SPEG: variants seen among roughly 807,000 people sequenced by gnomAD.
SPEG encodes striated muscle preferentially expressed protein kinase.
Under a neutral mutation model 300.4 loss-of-function variants are expected in SPEG, and 114 were observed. The observed-to-expected ratio is 0.38, with a 90% CI of 0.33 to 0.44. SPEG has a LOEUF of 0.44. Ranked by LOEUF, SPEG falls within the 20% of genes least tolerant of loss-of-function variation. The probability of loss-of-function intolerance (pLI) is 1.00; values close to 1 mark genes in which losing one functional copy is unlikely to be tolerated. For missense variants in SPEG, 4,201 were observed against 4,586.2 expected (o/e 0.92, Z 2.43); for synonymous variants, 1,964 against 2,018.9 (o/e 0.97, Z 0.73).
In SPEG at chr2:219,443,298, A is replaced by G; in HGVS notation, c.389-1355A>G. ...CCCACACTTATCTACCACCCACCCG[A>G]CCAGGCCCCCTGTGCCCTACAGCTG... On this transcript the variant is annotated intron_variant, in intron 1 of 40. Transcript: ENST00000312358. This position sits in a 1 kb window ranked among gnomAD's most constrained non-coding sequence, Gnocchi z 4.6. The G allele has an allele frequency of 1.2e-6, 1 of 850,668 alleles. No homozygotes were observed. Among genetic ancestry groups the G allele is most frequent in the Non-Finnish European group, 2.0e-6 (1 of 492,448 alleles). The allele number at this position is 850,668 out of a possible 1,614,324, so 52.7% of individuals were successfully genotyped here.
chr2:219,483,858 C>A lies in SPEG; in HGVS notation c.6395C>A (p.Ser2132Tyr). Residue 2132 changes from serine (S) to tyrosine (Y), a missense_variant, in exon 30 of 41, where the codon TCC becomes TAC. Physicochemically the swap from Ser to Tyr is moderately radical, Grantham distance 144. Transcript: ENST00000312358. ...GGCCTGCAAAAGAGCAGCAGCTTCT[C>A]CCAGGGTGAGGCGGAGCCCCGGGGC... ...NRGLQKSSSF[S>Y]QGEAEPRGRH... is the part of the protein sequence containing the mutation. 1.3e-6 allele frequency: 2 copies of A among 1,594,340 alleles called. No individual in the cohort carries two copies. Among genetic ancestry groups the A allele is most frequent in the Non-Finnish European group, 1.7e-6 (2 of 1,175,860 alleles).
At chr2:219,490,388 G>A (rs780524161) in intron 36 of SPEG, 21 bp from the exon 37 acceptor site, 2 of 1,602,136 alleles carry the variant, frequency 1.2e-6, no homozygotes, top group South Asian at 2.2e-5. Context: ...AGCCGGTGGT[G>A]TCCCTCCCCC....
chr2:219,450,111 CT>C (rs1482744594), intron 4 of SPEG, among the ~76,000 whole-genome samples: 1 of 152,186 alleles, frequency 6.6e-6, no homozygotes, highest in African/African-American at 2.4e-5. Flanking sequence ...CTGTATTTTT[CT>C]TCATCAAAAT....
At position 219,483,912 on chromosome 2, in the gene SPEG, A is replaced by T; in HGVS notation, c.6449A>T (p.Glu2150Val). The T allele has an allele frequency of 1.2e-6, 2 of 1,602,930 alleles. No individual in the cohort carries two copies. The highest frequency in any genetic ancestry group is 1.7e-6 in the Non-Finnish European group (2 of 1,179,180). Residue 2150 changes from glutamate (E) to valine (V), a missense_variant, in exon 30 of 41, where the codon GAG becomes GTG. Transcript: ENST00000312358. The stretch of plus-strand genomic sequence containing the variant: ...CACCGCCGAGCGGGGGCGCCCCTCG[A>T]GATCCCCGTGGCCAGGCTTGGGGCC... ...GRHRRAGAPL[E>V]IPVARLGARR...
chr2:219,450,908 A>G (rs537960398), intron 4 of SPEG: 1 of 468,218 alleles, frequency 2.1e-6, no homozygotes, highest in East Asian at 3.7e-5. Flanking sequence ...CGGCCACACT[A>G]ACATGGAGTC....
chr2:219,437,853 A>T (rs1236612404), intron 1 of SPEG, among the ~76,000 whole-genome samples: 1 of 152,114 alleles, frequency 6.6e-6, no homozygotes, highest in Non-Finnish European at 1.5e-5. Flanking sequence ...CATTGCTCAG[A>T]CTTACTCATG....
In SPEG at chr2:219,445,353, C is replaced by T. The variant is rs1689204155; in HGVS notation, c.815+192C>T. Among the ~76,000 whole-genome samples, 5 of 152,136 alleles carry T rather than the reference C, an allele frequency of 3.3e-5. No individual in the cohort carries two copies. The highest frequency in any genetic ancestry group is 3.3e-4 in the Admixed American group (5 of 15,276). ...TCCTGAGCCATCACCGCCCACATCC[C>T]CCTGCTCCCACCTGTCCTGGCTCAC... On this transcript the variant is annotated intron_variant, in intron 3 of 40. Transcript: ENST00000312358. This position sits in a 1 kb window ranked among gnomAD's most constrained non-coding sequence, Gnocchi z 6.1.
At chr2:219,437,082 T>C (rs1049250376) in intron 1 of SPEG, among the ~76,000 whole-genome samples, 2 of 151,990 alleles carry the variant, frequency 1.3e-5, no homozygotes, top group African/African-American at 4.8e-5. Context: ...ATCAGGGAGC[T>C]CTGCCTAAGA....
At position 219,483,700 on chromosome 2, in the gene SPEG, C is replaced by A. The variant is rs1338913112; in HGVS notation, c.6237C>A (p.Pro2079=). 5.2e-6 allele frequency: 8 copies of A among 1,534,108 alleles called. No homozygotes were observed. The African/African-American group carries it at 1.1e-4, about 21-fold the overall frequency. ...ALRQRLLRGG[P]EDGKVSGLRG... ...GCCAGCGGCTGCTGCGGGGAGGCCC[C>A]GAGGATGGCAAGGTCAGCGGCCTCA... The change falls in exon 30 of 41, where the codon CCC becomes CCA. Residue 2079 remains proline, a synonymous_variant. Transcript: ENST00000312358.
Position 219,451,311 on chromosome 2 carries a change from G to C in SPEG, c.2257+32G>C. 6.3e-7 allele frequency: 1 copy of C among 1,575,844 alleles called. No individual in the cohort carries two copies. Among genetic ancestry groups the C allele is most frequent in the Non-Finnish European group, 8.6e-7 (1 of 1,162,952 alleles). On this transcript the variant is annotated intron_variant, in intron 5 of 40. Coordinates refer to ENST00000312358, the MANE Select transcript of SPEG (RefSeq NM_005876.5). This position sits in a 1 kb window ranked among gnomAD's most constrained non-coding sequence, Gnocchi z 6.4. ...TCCAGCACTGGGCCAAGGTGCGGTC[G>C]AGGTTGGGAGGGGGTGTGTGAGAAG...
rs56166111 is a variant in SPEG at position 219,483,214 on chromosome 2, G to C, written c.5751G>C (p.Gly1917=). Residue 1917 remains glycine, a synonymous_variant, in exon 30 of 41, where the codon GGG becomes GGC. Coordinates refer to ENST00000312358, the MANE Select transcript of SPEG (RefSeq NM_005876.5). ...CCAGAAGGCCACCCCCCAGTGGGGG[G>C]CTCTCATCCTCCTCGGATTCTGAAG... ...TMPRRPPPSG[G]LSSSSDSEEE... The C allele has an allele frequency of 6.2e-7, 1 of 1,610,126 alleles. No homozygotes were observed. The highest frequency in any genetic ancestry group is 8.5e-7 in the Non-Finnish European group (1 of 1,178,956).
In SPEG at chr2:219,444,862, AC is replaced by A; in HGVS notation, c.521del (p.Pro174ArgfsTer4). On this transcript the variant is annotated frameshift_variant, in exon 3 of 41. Transcript: ENST00000312358. LOFTEE classifies it high-confidence loss of function. This position sits in a 1 kb window ranked among gnomAD's most constrained non-coding sequence, Gnocchi z 7.8. ...CCCTGGTGGGCACCTCCCTGGACAC[AC>A]CCCCGACCTCCGTGACAGGCACCTC... ...DTLVGTSLDT[P>X]PTSVTGTSEE... 1 of 1,570,126 alleles carries A rather than the reference AC, an allele frequency of 6.4e-7. No homozygotes were observed. Among genetic ancestry groups the A allele is most frequent in the Non-Finnish European group, 8.6e-7 (1 of 1,157,638 alleles).
In SPEG at chr2:219,479,423, C is replaced by T. The variant is rs141062952; in HGVS notation, c.5085+222C>T. Among the ~76,000 whole-genome samples, 64 of 152,304 alleles carry T rather than the reference C, an allele frequency of 4.2e-4. No homozygotes were observed. The highest frequency in any genetic ancestry group is 1.5e-3 in the African/African-American group (61 of 41,552). On this transcript the variant is annotated intron_variant, in intron 23 of 40. Coordinates refer to ENST00000312358, the MANE Select transcript of SPEG (RefSeq NM_005876.5). This position sits in a 1 kb window ranked among gnomAD's most constrained non-coding sequence, Gnocchi z 5.5. ...TTCTCTCTAAATCTCAGCAAACCCA[C>T]CCCAGCTCCTAACTGTTGTTTCCCA... is the stretch of plus-strand genomic sequence containing the variant.
Position 219,481,219 on chromosome 2 carries a change from T to A in SPEG, c.5370-85T>A. On this transcript the variant is annotated intron_variant, in intron 26 of 40. Coordinates refer to ENST00000312358, the MANE Select transcript of SPEG (RefSeq NM_005876.5). This position sits in a 1 kb window ranked among gnomAD's most constrained non-coding sequence, Gnocchi z 5.4. ...CTGTCATCCTCACAACCCCAGAGCCTCCATCTGTCCCCAGCCCTGTGCCCC... is the reference window on the plus strand; with the variant it reads ...CTGTCATCCTCACAACCCCAGAGCCACCATCTGTCCCCAGCCCTGTGCCCC... 1 of 1,428,514 alleles carries A rather than the reference T, an allele frequency of 7.0e-7. No individual in the cohort carries two copies. The highest frequency in any genetic ancestry group is 1.4e-5 in the African/African-American group (1 of 71,302). The allele number at this position is 1,428,514 out of a possible 1,614,324, so 88.5% of individuals were successfully genotyped here. A position where few individuals can be genotyped will look rare whatever the true frequency, so the allele number is the denominator to read the frequency against.
rs759958649 is a variant in SPEG, at chr2:219,451,603, G to T, written c.2258-22G>T. On this transcript the variant is annotated intron_variant, in intron 5 of 40. Coordinates refer to ENST00000312358, the MANE Select transcript of SPEG (RefSeq NM_005876.5). The surrounding 1 kb of genome is among the most constrained non-coding windows in gnomAD (Gnocchi z 6.4). The stretch of plus-strand genomic sequence containing the variant: ...GGGCGCCTGTGGGCCGTGGCGAGCC[G>T]GGTCCCTGTGCCTCCCCACAGTGTC... 4 of 1,507,282 alleles carry T rather than the reference G, an allele frequency of 2.7e-6. No homozygotes were observed. The South Asian group carries it at 5.1e-5, about 19-fold the overall frequency. 93.4% of individuals were successfully genotyped at this position (1,507,282 alleles called of 1,614,324 possible). A position where few individuals can be genotyped will look rare whatever the true frequency, so the allele number is the denominator to read the frequency against.
At position 219,488,189 on chromosome 2, in the gene SPEG, T is replaced by C. The variant is rs543430484; in HGVS notation, c.7742-5T>C. The C allele has an allele frequency of 1.7e-5, 27 of 1,608,072 alleles. No individual in the cohort carries two copies. The South Asian group carries it at 3.0e-4, about 18-fold the overall frequency. On this transcript the variant is annotated splice_polypyrimidine_tract_variant and splice_region_variant and intron_variant, in intron 31 of 40. Coordinates refer to ENST00000312358, the MANE Select transcript of SPEG (RefSeq NM_005876.5). ...GATAGATGGCTGTCTCTGCTTTTCC[T>C]CCAGACTTCCCCCCAGTCTTCCACA... is the stretch of plus-strand genomic sequence containing the variant.
Position 219,492,710 on chromosome 2 carries a change from G to A in SPEG, c.9728G>A (p.Gly3243Asp), listed in dbSNP as rs1162289173. The change falls in exon 41 of 41, where the codon GGC becomes GAC. Residue 3243 changes from glycine (G) to aspartate (D), a missense_variant. Physicochemically the swap from Gly to Asp is moderately conservative, Grantham distance 94. Transcript: ENST00000312358. ...ACCAACCGGCTCAAGGAGTTCCTGGGCGAGCAGCGGCGGCGCCGGGCTGAG... is the reference window on the plus strand; with the variant it reads ...ACCAACCGGCTCAAGGAGTTCCTGGACGAGCAGCGGCGGCGCCGGGCTGAG... ...FTTNRLKEFLGEQRRRRAEAA... is the reference protein window; with the variant it reads ...FTTNRLKEFLDEQRRRRAEAA... The A allele has an allele frequency of 1.9e-6, 3 of 1,605,294 alleles. No individual in the cohort carries two copies. The highest frequency in any genetic ancestry group is 2.5e-6 in the Non-Finnish European group (3 of 1,179,528).
intron 36 of SPEG, 56 bp from the exon 37 acceptor site, chr2:219,490,353 G>T: frequency 5.1e-6 from 8 of 1,573,550 alleles, no homozygotes; most frequent in Non-Finnish European, 6.9e-6. Context: ...CCCTCACTAT[G>T]GAAGTGTCCC....
rs1693176283 is a variant in SPEG at position 219,484,381 on chromosome 2, A to T, written c.6918A>T (p.Lys2306Asn). Reference sequence around the variant, plus strand: ...GGGGTCCCCCGGTGCTAGCCGAGAAAGCCCGAGTTCCCACGGTGCCCCCCA... The same window carrying T: ...GGGGTCCCCCGGTGCTAGCCGAGAATGCCCGAGTTCCCACGGTGCCCCCCA... The part of the protein sequence containing the change: ...SAGGPPVLAE[K>N]ARVPTVPPRP... The change falls in exon 30 of 41, where the codon AAA (lysine) becomes AAT (asparagine). Residue 2306 changes from lysine to asparagine, a missense_variant. By Grantham distance (94) the Lys-to-Asn change is moderately conservative (BLOSUM62 0). This residue lies in a region of SPEG where 1,578 missense variants were observed against 1,506.0 expected (regional missense o/e 1.05). Transcript: ENST00000312358. 1 of 1,607,788 alleles carries T rather than the reference A, an allele frequency of 6.2e-7. No individual in the cohort carries two copies. Among genetic ancestry groups the T allele is most frequent in the Non-Finnish European group, 8.5e-7 (1 of 1,179,268 alleles).
Sources: gnomAD v4.1 joint callset for allele counts (sites outside exome capture counted in the v4.1 genomes callset) on GRCh38, gnomAD v4.1.1 for gene constraint, gnomAD v4.1.1 regional missense constraint, Gnocchi (gnomAD v3.1) non-coding constraint, MANE v1.5 for transcripts, NCBI Gene and HGNC (gene_info 2026-07-23, HGNC 2026-07-21) for gene names.